MED12L: variants seen among roughly 807,000 people sequenced by gnomAD.
MED12L encodes the protein mediator complex subunit 12L.
A neutral mutation model predicts 281.3 loss-of-function variants in MED12L; 60 were observed. The observed-to-expected ratio is 0.21, with a 90% CI of 0.17 to 0.26. The LOEUF (loss-of-function observed/expected upper bound fraction) is 0.26. MED12L is among the 10% of genes least tolerant of loss of function. The pLI, the probability that MED12L is intolerant of heterozygous loss-of-function variation, is 1.00. For synonymous variants in MED12L, 974 were observed against 987.2 expected (o/e 0.99, Z 0.25); for missense variants, 2,146 against 2,680.9 (o/e 0.80, Z 4.41).
At chr3:151,278,955 C>T (rs985667127) in intron 16 of MED12L, among the ~76,000 whole-genome samples, 2 of 152,144 alleles carry the variant, frequency 1.3e-5, no homozygotes, top group African/African-American at 4.8e-5. Context: ...TTCAGATAAA[C>T]TCCTCGTGTG....
At chr3:151,300,158 T>A (rs1377122916) in intron 16 of MED12L, 7 of 1,217,342 alleles carry the variant, frequency 5.8e-6, no homozygotes, top group Non-Finnish European at 1.2e-6. Flanking sequence ...TTGGGGACGA[T>A]TGAGGCGTGG....
At chr3:151,123,799 T>G (rs916643065) in intron 4 of MED12L, among the ~76,000 whole-genome samples, 5 of 152,190 alleles carry the variant, frequency 3.3e-5, no homozygotes, top group Admixed American at 3.3e-4. Context: ...GGAGCTCTTT[T>G]GTATATTTGC....
chr3:151,243,716 C>T (rs1219143120), intron 16 of MED12L, among the ~76,000 whole-genome samples: 1 of 151,848 alleles, frequency 6.6e-6, no homozygotes, highest in Admixed American at 6.6e-5. Flanking sequence ...AACTAACGAG[C>T]AAAATAACCA....
chr3:151,271,844 T>G (rs1488612607), intron 16 of MED12L, among the ~76,000 whole-genome samples: 6 of 152,150 alleles, frequency 3.9e-5, no homozygotes, highest in Non-Finnish European at 5.9e-5. Context: ...TGAGAGAAAT[T>G]AGGAATGTAG....
intron 2 of MED12L, among the ~76,000 whole-genome samples, chr3:151,103,058 T>C (rs997154626): frequency 6.6e-6 from 1 of 152,212 alleles, no homozygotes; most frequent in African/African-American, 2.4e-5. Flanking sequence ...AAATTTGTTA[T>C]GTAAGATTGC....
At chr3:151,266,062 A>G (rs1577176329) in intron 16 of MED12L, among the ~76,000 whole-genome samples, 2 of 152,212 alleles carry the variant, frequency 1.3e-5, no homozygotes, top group East Asian at 1.9e-4. Flanking sequence ...GGCAGTGTGC[A>G]CAGGTGCCCT....
At chr3:151,325,517 G>A (rs1044252516) in intron 16 of MED12L, among the ~76,000 whole-genome samples, 6 of 151,782 alleles carry the variant, frequency 4.0e-5, no homozygotes, top group Non-Finnish European at 5.9e-5. Context: ...TGCTAGTTTA[G>A]GAAGTTCTTC....
chr3:151,281,806 C>T (rs1577223854), intron 16 of MED12L, among the ~76,000 whole-genome samples: 1 of 152,092 alleles, frequency 6.6e-6, no homozygotes, highest in African/African-American at 2.4e-5. Context: ...CAGGACTCTG[C>T]CTTATTAGTA....
chr3:151,293,561 C>G (rs1020350399), intron 16 of MED12L, among the ~76,000 whole-genome samples: 1 of 123,776 alleles, frequency 8.1e-6, no homozygotes, highest in Non-Finnish European at 1.6e-5. Context: ...ACAGAGGGTC[C>G]TAAAATGAAG....
intron 16 of MED12L, chr3:151,338,269 T>C (rs1343855164): frequency 1.9e-6 from 3 of 1,613,972 alleles, no homozygotes; most frequent in Non-Finnish European, 2.5e-6. Flanking sequence ...ACTTGACAGA[T>C]GTAATTTACT....
At chr3:151,363,818 C>A (rs994086917) in intron 21 of MED12L, among the ~76,000 whole-genome samples, 2 of 152,100 alleles carry the variant, frequency 1.3e-5, no homozygotes, top group African/African-American at 4.8e-5. Context: ...TTAACAAACA[C>A]CCCAAAAGTG....
Position 151,360,524 on chromosome 3 carries a change from C to T in MED12L, c.2876C>T (p.Pro959Leu), listed in dbSNP as rs749720230. The stretch of plus-strand genomic sequence containing the variant: ...GTAAACCCCTCAGAATGTTCTTCCC[C>T]TGAAAGATGCATTTTAGCCTACCTC... ...HVVNPSECSS[P>L]ERCILAYLYD... Residue 959 changes from proline to leucine, a missense_variant, in exon 21 of 45, where the codon CCT (proline) becomes CTT (leucine). By Grantham distance (98) the Pro-to-Leu change is moderately conservative. Coordinates refer to ENST00000687756, the MANE Select transcript of MED12L (RefSeq NM_001393769.1). 4 of 1,612,834 alleles carry T rather than the reference C, an allele frequency of 2.5e-6. No homozygotes were observed. The highest frequency in any genetic ancestry group is 2.5e-6 in the Non-Finnish European group (3 of 1,179,184).
At chr3:151,145,757 C>T (rs1166489944) in intron 5 of MED12L, among the ~76,000 whole-genome samples, 1 of 152,198 alleles carries the variant, frequency 6.6e-6, no homozygotes, top group East Asian at 1.9e-4. Context: ...GCCACCCCTC[C>T]CCAGCTGTTC....
intron 38 of MED12L, 30 bp downstream of exon 38, chr3:151,390,165 G>A (rs1258039242): frequency 3.1e-6 from 5 of 1,608,890 alleles, no homozygotes; most frequent in East Asian, 2.2e-5. Flanking sequence ...AGATCACTCA[G>A]AGATGAGAAA....
chr3:151,365,699 A>G (rs550455841), intron 22 of MED12L, 151 bp from the exon 23 acceptor site: 4 of 673,164 alleles, frequency 5.9e-6, no homozygotes, highest in Non-Finnish European at 9.4e-6. Context: ...TCAAGGTTCT[A>G]CTAAGTTATT....
intron 16 of MED12L, chr3:151,294,110 A>G: frequency 9.6e-7 from 1 of 1,045,028 alleles, no homozygotes; most frequent in Non-Finnish European, 1.4e-6. Flanking sequence ...AGCAAGGATA[A>G]TGAAAAGAAA....
At chr3:151,343,691 G>A (rs1479829759) in intron 16 of MED12L, among the ~76,000 whole-genome samples, 1 of 152,132 alleles carries the variant, frequency 6.6e-6, no homozygotes, top group African/African-American at 2.4e-5. Flanking sequence ...GGTTGGTTTG[G>A]TTATTTTGTA....
At chr3:151,351,672 C>T (rs1753252085) in intron 17 of MED12L, among the ~76,000 whole-genome samples, 1 of 152,028 alleles carries the variant, frequency 6.6e-6, no homozygotes. Context: ...GTATACTTGG[C>T]AATGGGGTAG....
chr3:151,422,305 G>T (rs1281055487), intron 43 of MED12L, among the ~76,000 whole-genome samples: 1 of 152,190 alleles, frequency 6.6e-6, no homozygotes, highest in Non-Finnish European at 1.5e-5. Context: ...TTCAACAACA[G>T]AAATGTACTG....
Sources: allele counts gnomAD v4.1 joint callset (sites outside exome capture counted in the v4.1 genomes callset), GRCh38; gene constraint gnomAD v4.1.1; transcripts MANE v1.5; gene names NCBI Gene and HGNC (gene_info 2026-07-23, HGNC 2026-07-21).